Variants in DMXL1 observed in about 807,000 individuals in gnomAD.
DMXL1 encodes the protein dmX-like protein 1.
DMXL1 carries 99 observed loss-of-function variants against 319.2 expected under a neutral mutation model. The ratio of observed to expected loss-of-function variants is 0.31; its 90% confidence interval spans 0.26 to 0.37. The LOEUF is 0.37. Among genes scored for constraint, DMXL1 ranks in the 10% least tolerant of loss-of-function variants. DMXL1 has a pLI of 1.00. For synonymous variants in DMXL1, 1,385 were observed against 1,235.2 expected (o/e 1.12, Z -2.54); for missense variants, 3,745 against 3,595.6 (o/e 1.04, Z -1.06).
Position 119,170,429 on chromosome 5 carries a change from A to G in DMXL1, c.5638A>G (p.Lys1880Glu), listed in dbSNP as rs760027111. 1.2e-6 allele frequency: 2 copies of G among 1,613,884 alleles called. No individual in the cohort carries two copies. Among genetic ancestry groups the G allele is most frequent in the African/African-American group, 2.7e-5 (2 of 74,924 alleles). ...CPMLALEVLSKMPKVIKKTRP... is the reference protein window; with the variant it reads ...CPMLALEVLSEMPKVIKKTRP... ...AATGTTGGCTTTGGAAGTATTATCA[A>G]AGATGCCTAAAGTCATCAAGAAAAC... Residue 1880 changes from lysine to glutamate, a missense_variant, in exon 24 of 44, where the codon AAG (lysine) becomes GAG (glutamate). Physicochemically the swap from Lys to Glu is moderately conservative, Grantham distance 56. Coordinates refer to ENST00000539542, the MANE Select transcript of DMXL1 (RefSeq NM_001290321.3).
At chr5:119,084,772 G>A (rs1312697533) in intron 1 of DMXL1, among the ~76,000 whole-genome samples, 1 of 151,488 alleles carries the variant, frequency 6.6e-6, no homozygotes, top group Non-Finnish European at 1.5e-5. Flanking sequence ...GGCGAGGCAG[G>A]AGAATTGCTT....
intron 33 of DMXL1, among the ~76,000 whole-genome samples, chr5:119,204,098 A>T (rs1039535874): frequency 2.0e-5 from 3 of 152,140 alleles, no homozygotes; most frequent in African/African-American, 7.2e-5. Context: ...CTAGGATTAC[A>T]GGTGTGAACC....
At chr5:119,175,409 GT>G in intron 26 of DMXL1, 72 bp downstream of exon 26, 1 of 1,106,350 alleles carries the variant, frequency 9.0e-7, no homozygotes, top group East Asian at 2.4e-5. Flanking sequence ...TATGTTAGTG[GT>G]TTAGAACTAT....
At chr5:119,234,389 C>G (rs1265891905) in intron 39 of DMXL1, among the ~76,000 whole-genome samples, 1 of 152,136 alleles carries the variant, frequency 6.6e-6, no homozygotes, top group East Asian at 1.9e-4. Context: ...CTCACAGACT[C>G]TAACTGATGG....
chr5:119,240,788 T>C (rs978449254), intron 42 of DMXL1, among the ~76,000 whole-genome samples: 6 of 152,166 alleles, frequency 3.9e-5, no homozygotes, highest in Non-Finnish European at 8.8e-5. Flanking sequence ...CTATTCAACA[T>C]TGCACTGGAA....
At chr5:119,229,413 T>C (rs142527196) in intron 38 of DMXL1, among the ~76,000 whole-genome samples, 2 of 152,300 alleles carry the variant, frequency 1.3e-5, no homozygotes, top group African/African-American at 4.8e-5. Context: ...GTACTTCTGA[T>C]ATTAAGGCTC....
chr5:119,192,464 A>T (rs1164518226), intron 29 of DMXL1, among the ~76,000 whole-genome samples: 1 of 152,046 alleles, frequency 6.6e-6, no homozygotes, highest in Non-Finnish European at 1.5e-5. Flanking sequence ...GTTCCCACTC[A>T]CATTCAGCTT....
At chr5:119,165,095 A>G in intron 20 of DMXL1, 88 bp from the exon 21 acceptor site, 1 of 747,374 alleles carries the variant, frequency 1.3e-6, no homozygotes, top group Non-Finnish European at 2.3e-6. Flanking sequence ...TTAAACATTC[A>G]ATGGATATGT....
At chr5:119,187,825 G>T (rs1399314110) in intron 28 of DMXL1, among the ~76,000 whole-genome samples, 2 of 152,088 alleles carry the variant, frequency 1.3e-5, no homozygotes, top group African/African-American at 4.8e-5. Flanking sequence ...ACCATGCCTG[G>T]CTAATTTTTG....
At chr5:119,216,006 G>A (rs1783621236) in intron 34 of DMXL1, among the ~76,000 whole-genome samples, 1 of 130,168 alleles carries the variant, frequency 7.7e-6, no homozygotes, top group Non-Finnish European at 1.6e-5. Context: ...TGGAGCAGGA[G>A]AATTGCTTAA....
At chr5:119,099,579 T>A (rs1038046663) in intron 2 of DMXL1, among the ~76,000 whole-genome samples, 14 of 152,208 alleles carry the variant, frequency 9.2e-5, no homozygotes, top group African/African-American at 3.4e-4. Context: ...TAATCTTTCT[T>A]AACTGTATAA....
At chr5:119,071,786 C>T in intron 1 of DMXL1, 130 bp downstream of exon 1, 2 of 742,414 alleles carry the variant, frequency 2.7e-6, no homozygotes, top group East Asian at 2.9e-5. Context: ...CCACCCAGAA[C>T]CCAGCAGACC....
intron 9 of DMXL1, among the ~76,000 whole-genome samples, chr5:119,124,965 C>T (rs1415439743): frequency 1.3e-5 from 2 of 152,168 alleles, no homozygotes; most frequent in Non-Finnish European, 2.9e-5. Context: ...AAATTATAGA[C>T]ATTTTATCAT....
At chr5:119,241,708 C>G (rs1788855295) in intron 42 of DMXL1, among the ~76,000 whole-genome samples, 1 of 152,028 alleles carries the variant, frequency 6.6e-6, no homozygotes, top group Non-Finnish European at 1.5e-5. Context: ...TTGTATGGTT[C>G]CCATGGTGTT....
At chr5:119,122,049 A>G (rs1397847257) in intron 9 of DMXL1, among the ~76,000 whole-genome samples, 1 of 75,530 alleles carries the variant, frequency 1.3e-5, no homozygotes, top group African/African-American at 5.2e-5. Flanking sequence ...CTGACCCCCC[A>G]ACCTCCCTCC....
At chr5:119,104,997 A>G (rs545490999) in intron 3 of DMXL1, among the ~76,000 whole-genome samples, 183 bp from the exon 4 acceptor site, 2 of 152,322 alleles carry the variant, frequency 1.3e-5, no homozygotes, top group African/African-American at 2.4e-5. Context: ...ACCACCAGTT[A>G]TGGATATTCT....
At chr5:119,082,020 T>TATATATACACACACACAC (rs1200957102) in intron 1 of DMXL1, among the ~76,000 whole-genome samples, 4 of 108,164 alleles carry the variant, frequency 3.7e-5, no homozygotes, top group African/African-American at 1.7e-4. Flanking sequence ...TATATATATA[T>TATATATACACACACACAC]ACACACACAC....
chr5:119,130,940 C>G (rs552525288), intron 10 of DMXL1, among the ~76,000 whole-genome samples: 5 of 151,768 alleles, frequency 3.3e-5, no homozygotes, highest in Admixed American at 3.3e-4. Flanking sequence ...TTTATACTTC[C>G]TCTAAGTGTA....
Position 119,146,875 on chromosome 5 carries a change from A to G in DMXL1, c.2608A>G (p.Ile870Val), listed in dbSNP as rs1348567027. The part of the protein sequence containing the change: ...PNGFSEKFYL[I>V]VIECTQDNRS... ...TGGATTTTCTGAGAAGTTCTACCTA[A>G]TTGTAATAGAATGCACTCAAGACAA... The change falls in exon 16 of 44, where the codon ATT becomes GTT. Residue 870 changes from isoleucine to valine, a missense_variant. Transcript: ENST00000539542. 6.2e-7 allele frequency: 1 copy of G among 1,611,790 alleles called. No individual in the cohort carries two copies. Among genetic ancestry groups the G allele is most frequent in the African/African-American group, 1.3e-5 (1 of 74,950 alleles).
Sources: gnomAD v4.1 joint callset for allele counts (sites outside exome capture counted in the v4.1 genomes callset) on GRCh38, gnomAD v4.1.1 for gene constraint, MANE v1.5 for transcripts, NCBI Gene and HGNC (gene_info 2026-07-23, HGNC 2026-07-21) for gene names.